The following PPP3CA variants were observed in gnomAD, a reference collection of about 807,000 sequenced individuals.
PPP3CA encodes CAM-PRP catalytic subunit.
In PPP3CA, 14 loss-of-function variants were observed where a neutral mutation model predicts 66.5. That is an observed-to-expected ratio of 0.21 (90% CI 0.14 to 0.33). The LOEUF (loss-of-function observed/expected upper bound fraction) is 0.33, where lower values mean the gene tolerates loss of function less well. Ranked by LOEUF, PPP3CA falls within the 10% of genes least tolerant of loss-of-function variation. The pLI is 1.00. For missense variants in PPP3CA, 317 were observed against 639.5 expected, an observed-to-expected ratio of 0.50 and a Z score of 5.44; for synonymous variants, 232 against 226.2, an observed-to-expected ratio of 1.03 and a Z score of -0.23.
rs1339004485 is a variant in PPP3CA, at chr4:101,199,633, G to A, written c.59-3517C>T. Among the ~76,000 whole-genome samples the A allele has an allele frequency of 2.6e-5, 4 of 152,180 alleles. No homozygotes were observed. In the East Asian group the frequency reaches 7.7e-4, roughly 29 times the overall value. Reference sequence around the variant, plus strand: ...GCAAAGTAGATAAAATCTGGGACATGTAAGTCCTTGACTGACTCCTAACAG... The same window carrying A: ...GCAAAGTAGATAAAATCTGGGACATATAAGTCCTTGACTGACTCCTAACAG... On this transcript the variant is annotated intron_variant, in intron 1 of 13. Transcript: ENST00000394854.
chr4:101,229,945 T>G (rs1725908181), intron 1 of PPP3CA, among the ~76,000 whole-genome samples: 1 of 151,498 alleles, frequency 6.6e-6, no homozygotes, highest in African/African-American at 2.4e-5. Flanking sequence ...GAGAGAGAGA[T>G]ATTAAAAAGA....
chr4:101,330,772 C>G (rs1729361605), intron 1 of PPP3CA, among the ~76,000 whole-genome samples: 1 of 152,082 alleles, frequency 6.6e-6, no homozygotes, highest in South Asian at 2.1e-4. Flanking sequence ...TGTACAATAA[C>G]TAGCACTACA....
At chr4:101,037,479 G>T (rs188610142) in intron 11 of PPP3CA, among the ~76,000 whole-genome samples, 2 of 152,072 alleles carry the variant, frequency 1.3e-5, no homozygotes, top group Non-Finnish European at 2.9e-5. Context: ...CATTAATCAC[G>T]TCCTGTTTTC....
chr4:101,338,764 T>C lies in PPP3CA; in HGVS notation c.58+7975A>G, dbSNP rs145937435. 1.9e-3 allele frequency among the ~76,000 whole-genome samples: 287 copies of C among 152,304 alleles called. 1 individual carries two copies. Among genetic ancestry groups the C allele is most frequent in the African/African-American group, 6.5e-3 (272 of 41,560 alleles). ...ATCAGGAGAACATTTGTTATCCCAA[T>C]AATCAGGCCCAGCAGAACAGGAATG... On this transcript the variant is annotated intron_variant, in intron 1 of 13. Coordinates refer to ENST00000394854, the MANE Select transcript of PPP3CA (RefSeq NM_000944.5).
At chr4:101,168,652 A>G (rs866695677) in intron 2 of PPP3CA, among the ~76,000 whole-genome samples, 1 of 152,216 alleles carries the variant, frequency 6.6e-6, no homozygotes, top group Non-Finnish European at 1.5e-5. Context: ...GAAAGTATTG[A>G]AAGAAAGAGG....
intron 1 of PPP3CA, among the ~76,000 whole-genome samples, chr4:101,264,832 G>A (rs1277536538): frequency 6.6e-6 from 1 of 152,176 alleles, no homozygotes; most frequent in East Asian, 1.9e-4. Context: ...CAGGATAGAG[G>A]AGGCAAGGTA....
rs917934972 is a variant in PPP3CA at position 101,333,736 on chromosome 4, T to G, written c.58+13003A>C. On this transcript the variant is annotated intron_variant, in intron 1 of 13. Transcript: ENST00000394854. ...ACACATGGCAATATATGCTACACTT[T>G]CCACAAATTCATATTGATTACATTT... Among the ~76,000 whole-genome samples the G allele has an allele frequency of 2.0e-5, 3 of 152,164 alleles. No homozygotes were observed. The East Asian group carries it at 5.8e-4, about 29-fold the overall frequency.
chr4:101,165,538 A>T (rs1723667753), intron 2 of PPP3CA, among the ~76,000 whole-genome samples: 1 of 152,144 alleles, frequency 6.6e-6, no homozygotes, highest in Non-Finnish European at 1.5e-5. Context: ...CAATTTTTAT[A>T]TTAAACCCTT....
intron 1 of PPP3CA, among the ~76,000 whole-genome samples, chr4:101,201,922 T>C (rs535386774): frequency 6.6e-6 from 1 of 152,150 alleles, no homozygotes; most frequent in Non-Finnish European, 1.5e-5. Context: ...CTGTATCCCA[T>C]GCTAGGCAGT....
intron 1 of PPP3CA, among the ~76,000 whole-genome samples, chr4:101,249,953 C>G (rs528067147): frequency 1.3e-5 from 2 of 152,106 alleles, no homozygotes; most frequent in Non-Finnish European, 2.9e-5. Context: ...ATTACTGTTT[C>G]TTTACTTTTC....
intron 10 of PPP3CA, among the ~76,000 whole-genome samples, chr4:101,057,846 C>T (rs911127397): frequency 1.3e-5 from 2 of 152,090 alleles, no homozygotes; most frequent in African/African-American, 2.4e-5. Flanking sequence ...GAATCTGATG[C>T]TGCTCATGGA....
At chr4:101,124,725 G>GAAAGAAAGAAAAAGAAAGAA (rs1412415941) in intron 2 of PPP3CA, among the ~76,000 whole-genome samples, 1 of 58,768 alleles carries the variant, frequency 1.7e-5, no homozygotes, top group African/African-American at 5.7e-5. Context: ...AAGAAAGAAA[G>GAAAGAAAGAAAAAGAAAGAA]AGAAAGAAAG....
In PPP3CA at chr4:101,077,035, A is replaced by T. The variant is rs188577246; in HGVS notation, c.955+3497T>A. On this transcript the variant is annotated intron_variant, in intron 8 of 13. Coordinates refer to ENST00000394854, the MANE Select transcript of PPP3CA (RefSeq NM_000944.5). ...TGCAGAGCTGTCAGAGTGAAGACAC[A>T]GAGGCAGGGAGACAGGCAGGAAGAC... Among the ~76,000 whole-genome samples the T allele has an allele frequency of 5.4e-3, 817 of 152,328 alleles. 3 individuals carry two copies. Among genetic ancestry groups the T allele is most frequent in the Non-Finnish European group, 7.9e-3 (534 of 68,024 alleles).
intron 1 of PPP3CA, among the ~76,000 whole-genome samples, chr4:101,319,309 A>G (rs1209878897): frequency 6.6e-6 from 1 of 152,104 alleles, no homozygotes; most frequent in Non-Finnish European, 1.5e-5. Flanking sequence ...CAAAGTGACT[A>G]AGTTTTATTT....
chr4:101,075,522 A>G (rs1729148653), intron 8 of PPP3CA, among the ~76,000 whole-genome samples: 1 of 152,222 alleles, frequency 6.6e-6, no homozygotes, highest in African/African-American at 2.4e-5. Context: ...TCTGAACTAC[A>G]AAGAACTTGT....
intron 8 of PPP3CA, among the ~76,000 whole-genome samples, chr4:101,074,006 T>C (rs1055265339): frequency 3.3e-5 from 5 of 152,210 alleles, no homozygotes; most frequent in Non-Finnish European, 7.3e-5. Flanking sequence ...GGGAAAACTG[T>C]TGTTACGGGG....
chr4:101,172,377 T>G (rs1413774171), intron 2 of PPP3CA, among the ~76,000 whole-genome samples: 1 of 152,198 alleles, frequency 6.6e-6, no homozygotes, highest in East Asian at 1.9e-4. Flanking sequence ...TCTAATTCAC[T>G]GATATATTCC....
intron 1 of PPP3CA, among the ~76,000 whole-genome samples, chr4:101,211,788 T>C (rs1402669255): frequency 6.6e-6 from 1 of 152,182 alleles, no homozygotes; most frequent in Admixed American, 6.5e-5. Context: ...AAAAGCATGT[T>C]AGTTAACCTG....
intron 2 of PPP3CA, among the ~76,000 whole-genome samples, chr4:101,178,733 A>G (rs1724142316): frequency 6.6e-6 from 1 of 152,102 alleles, no homozygotes; most frequent in Admixed American, 6.6e-5. Context: ...TTCTAGAAAT[A>G]AGCATTTACA....
Sources: allele counts gnomAD v4.1 joint callset (sites outside exome capture counted in the v4.1 genomes callset), GRCh38; gene constraint gnomAD v4.1.1; transcripts MANE v1.5; gene names NCBI Gene and HGNC (gene_info 2026-07-23, HGNC 2026-07-21).